The following CASK variants were observed in gnomAD, a reference collection of about 807,000 sequenced individuals.
CASK encodes the protein peripheral plasma membrane protein CASK.
Under a neutral mutation model 82.9 loss-of-function variants are expected in CASK, and 4 were observed. The ratio of observed to expected loss-of-function variants is 0.05; its 90% CI spans 0.02 to 0.11. The LOEUF (loss-of-function observed/expected upper bound fraction) is 0.11. Ranked by LOEUF, CASK falls within the 10% of genes least tolerant of loss-of-function variation. The pLI, the probability that CASK is intolerant of heterozygous loss-of-function variation, is 1.00. For synonymous variants in CASK, 259 were observed against 253.5 expected (o/e 1.02, Z -0.20); for missense variants, 358 against 720.9 (o/e 0.50, Z 5.76).
At chrX:41,580,869 G>C (rs1419276313) in intron 14 of CASK, among the ~76,000 whole-genome samples, 2 of 111,867 alleles carry the variant, frequency 1.8e-5, no homozygotes, top group Admixed American at 9.4e-5. Context: ...TCGTGTAATA[G>C]GAAAAAAACA....
chrX:41,707,188 T>C (rs1237083970), intron 5 of CASK, among the ~76,000 whole-genome samples: 2 of 112,444 alleles, frequency 1.8e-5, no homozygotes, highest in East Asian at 5.5e-4. Context: ...CTTTGACCAA[T>C]AAAATGTGGT....
At chrX:41,850,911 C>CT (rs1239244429) in intron 2 of CASK, among the ~76,000 whole-genome samples, 1 of 111,404 alleles carries the variant, frequency 9.0e-6, no homozygotes, top group Non-Finnish European at 1.9e-5. Context: ...ATCAAGAAAG[C>CT]TTGTGTGAAC....
chrX:41,908,663 T>C (rs1202575854), intron 1 of CASK, among the ~76,000 whole-genome samples: 3 of 112,010 alleles, frequency 2.7e-5, no homozygotes, highest in East Asian at 2.8e-4. Context: ...TCTCTACTCA[T>C]TGAATTAATA....
At chrX:41,868,260 G>A (rs1436441002) in intron 1 of CASK, among the ~76,000 whole-genome samples, 2 of 112,077 alleles carry the variant, frequency 1.8e-5, no homozygotes, top group Non-Finnish European at 3.8e-5. Flanking sequence ...AAGAAATAGG[G>A]AATGAAGCAT....
intron 26 of CASK, among the ~76,000 whole-genome samples, chrX:41,522,749 T>C (rs2064655932): frequency 2.7e-5 from 3 of 112,442 alleles, no homozygotes; most frequent in Non-Finnish European, 5.6e-5. Context: ...ATTTTTAATG[T>C]AGGTCTCTTT....
intron 1 of CASK, among the ~76,000 whole-genome samples, chrX:41,889,745 A>G (rs1358346493): frequency 8.9e-6 from 1 of 112,012 alleles, no homozygotes; most frequent in Non-Finnish European, 1.9e-5. Flanking sequence ...TTTTTCATAC[A>G]GTACTTCAAG....
chrX:41,592,221 G>GA (rs764905417), intron 12 of CASK, among the ~76,000 whole-genome samples: 862 of 57,008 alleles, frequency 0.015, 8 homozygotes, highest in Middle Eastern at 0.033. Context: ...ACTTTGTCTC[G>GA]AAAAAAAAAA....
At chrX:41,710,904 C>T (rs906097497) in intron 5 of CASK, among the ~76,000 whole-genome samples, 2 of 112,029 alleles carry the variant, frequency 1.8e-5, no homozygotes, top group Non-Finnish European at 3.8e-5. Context: ...GATAGCTGAA[C>T]TTGTGGAGTT....
intron 8 of CASK, chrX:41,659,997 T>TA (rs756132427): frequency 0.011 from 1,075 of 97,697 alleles, no homozygotes; most frequent in South Asian, 0.023. Context: ...AGACCTTGTC[T>TA]AAAAAAAAAA....
intron 1 of CASK, among the ~76,000 whole-genome samples, chrX:41,913,171 T>C (rs771510031): frequency 1.8e-5 from 2 of 111,472 alleles, no homozygotes; most frequent in Non-Finnish European, 3.8e-5. Flanking sequence ...GATATGTGCA[T>C]GAGTGTGTGA....
chrX:41,708,168 G>A (rs1235340432), intron 5 of CASK, among the ~76,000 whole-genome samples: 1 of 109,561 alleles, frequency 9.1e-6, no homozygotes, highest in Non-Finnish European at 1.9e-5. Context: ...GATATGTAGC[G>A]TAAGTTGTTA....
intron 22 of CASK, among the ~76,000 whole-genome samples, chrX:41,541,484 C>G (rs1214823072): frequency 8.9e-6 from 1 of 112,420 alleles, no homozygotes; most frequent in African/African-American, 3.2e-5. Context: ...AACTACTGCT[C>G]TGTAGTAGTA....
At chrX:41,835,875 T>G (rs1301148884) in intron 2 of CASK, among the ~76,000 whole-genome samples, 1 of 112,421 alleles carries the variant, frequency 8.9e-6, no homozygotes. Context: ...AATAGCAGGA[T>G]CTGATTAGCA....
intron 3 of CASK, among the ~76,000 whole-genome samples, chrX:41,751,175 T>TGGGCTCAGGTGATCCTCC (rs2068781347): frequency 8.9e-6 from 1 of 112,117 alleles, no homozygotes; most frequent in Non-Finnish European, 1.9e-5. Context: ...CTGGAATGCC[T>TGGGCTCAGGTGATCCTCC]GGGCTCAGGT....
chrX:41,910,223 A>C (rs1007602754), intron 1 of CASK, among the ~76,000 whole-genome samples: 9 of 107,857 alleles, frequency 8.3e-5, no homozygotes, highest in Non-Finnish European at 3.9e-5. Flanking sequence ...CTCCATCACA[A>C]AAAAAAAAAG....
intron 9 of CASK, among the ~76,000 whole-genome samples, chrX:41,629,718 T>C (rs754859850): frequency 4.5e-5 from 5 of 112,168 alleles, no homozygotes; most frequent in Admixed American, 1.9e-4. Context: ...TAATGTACTT[T>C]GCTATGTTCT....
At chrX:41,712,896 A>G (rs762158802) in intron 5 of CASK, among the ~76,000 whole-genome samples, 13 of 111,291 alleles carry the variant, frequency 1.2e-4, no homozygotes, top group Non-Finnish European at 2.5e-4. Flanking sequence ...GCATGAGAGG[A>G]CAGCTTTGAC....
At chrX:41,880,510 A>G (rs2148025001) in intron 1 of CASK, among the ~76,000 whole-genome samples, 1 of 111,262 alleles carries the variant, frequency 9.0e-6, no homozygotes, top group Non-Finnish European at 1.9e-5. Context: ...CACTGTTAAT[A>G]ATTTCCTCCC....
intron 2 of CASK, among the ~76,000 whole-genome samples, chrX:41,829,676 A>T: frequency 2.4e-5 from 1 of 40,829 alleles, no homozygotes; most frequent in Non-Finnish European, 4.0e-5. Flanking sequence ...ATACCCAGGG[A>T]TGCAAATGCT....
Sources: gnomAD v4.1 joint callset for allele counts (sites outside exome capture counted in the v4.1 genomes callset) on GRCh38, gnomAD v4.1.1 for gene constraint, MANE v1.5 for transcripts, NCBI Gene and HGNC (gene_info 2026-07-23, HGNC 2026-07-21) for gene names.